SLC35F4: variants seen among roughly 807,000 people sequenced by gnomAD.
The protein encoded by SLC35F4 is chromosome 14 open reading frame 36.
In SLC35F4, 24 loss-of-function variants were observed where a neutral mutation model predicts 44.2. The observed-to-expected ratio is 0.54, with a 90% CI of 0.39 to 0.76. The LOEUF (loss-of-function observed/expected upper bound fraction) is 0.76, where lower values mean the gene tolerates loss of function less well. SLC35F4 is among the 30% of genes least tolerant of loss of function. The pLI, the probability that SLC35F4 is intolerant of heterozygous loss-of-function variation, is 0.00. For missense variants in SLC35F4, 562 were observed against 586.1 expected, an observed-to-expected ratio of 0.96 and a Z score of 0.42; for synonymous variants, 238 against 223.6, an observed-to-expected ratio of 1.06 and a Z score of -0.57.
At chr14:57,950,608 A>G (rs551644427) in intron 1 of SLC35F4, among the ~76,000 whole-genome samples, 1 of 151,148 alleles carries the variant, frequency 6.6e-6, no homozygotes, top group African/African-American at 2.4e-5. Context: ...CTGTTTTGTC[A>G]TATTACCAAA....
chr14:57,711,846 T>C (rs760911500), intron 1 of SLC35F4, among the ~76,000 whole-genome samples: 1 of 152,234 alleles, frequency 6.6e-6, no homozygotes, highest in Non-Finnish European at 1.5e-5. Context: ...TTTAGAACTA[T>C]TGGAAAACAC....
intron 1 of SLC35F4, among the ~76,000 whole-genome samples, chr14:57,919,922 A>T (rs1240452957): frequency 6.6e-6 from 1 of 152,148 alleles, no homozygotes; most frequent in South Asian, 2.1e-4. Flanking sequence ...TCTTTTAGAC[A>T]TGGTCATTCT....
chr14:57,642,297 GA>G (rs2073284684), intron 1 of SLC35F4, among the ~76,000 whole-genome samples: 2 of 150,264 alleles, frequency 1.3e-5, no homozygotes, highest in South Asian at 4.2e-4. Context: ...GAGAGCTAGT[GA>G]GAAAAAAAAA....
At chr14:57,814,201 T>C (rs1882310281) in intron 1 of SLC35F4, among the ~76,000 whole-genome samples, 1 of 152,240 alleles carries the variant, frequency 6.6e-6, no homozygotes, top group South Asian at 2.1e-4. Context: ...AGAGCCCTTT[T>C]CACATAGTAG....
At chr14:57,716,251 T>G (rs1052820458) in intron 1 of SLC35F4, among the ~76,000 whole-genome samples, 3 of 151,890 alleles carry the variant, frequency 2.0e-5, no homozygotes, top group Non-Finnish European at 4.4e-5. Flanking sequence ...CAAATTCCTA[T>G]CTTAACAAGT....
In SLC35F4 at chr14:57,617,664, A is replaced by G. The variant is rs184554743; in HGVS notation, c.104-23540T>C. On this transcript the variant is annotated intron_variant, in intron 1 of 7. Coordinates refer to ENST00000556826, the MANE Select transcript of SLC35F4 (RefSeq NM_001306087.2). ...TACAGACCAGAAAGCTGGCAATTGCAATAGTATGGATAAGCAGTGTGCTAG... is the reference window on the plus strand; with the variant it reads ...TACAGACCAGAAAGCTGGCAATTGCGATAGTATGGATAAGCAGTGTGCTAG... Among the ~76,000 whole-genome samples, 137 of 152,272 alleles carry G rather than the reference A, an allele frequency of 9.0e-4. 3 individuals are homozygous for G. The highest frequency in any genetic ancestry group is 4.4e-4 in the Non-Finnish European group (30 of 68,026).
At chr14:57,877,824 A>G (rs760255519) in intron 1 of SLC35F4, among the ~76,000 whole-genome samples, 34 of 151,718 alleles carry the variant, frequency 2.2e-4, no homozygotes, top group African/African-American at 8.0e-4. Flanking sequence ...AGATGGGATT[A>G]CAGGCTTATG....
intron 1 of SLC35F4, among the ~76,000 whole-genome samples, chr14:57,805,558 G>C (rs1158442374): frequency 6.6e-6 from 1 of 152,194 alleles, no homozygotes; most frequent in Non-Finnish European, 1.5e-5. Context: ...TTGTAAGTGG[G>C]AGCTGAATGA....
At chr14:57,938,806 T>C (rs878087) in intron 1 of SLC35F4, among the ~76,000 whole-genome samples, 15,492 of 152,190 alleles carry the variant, frequency 0.1, 866 homozygotes, top group Middle Eastern at 0.18. Flanking sequence ...TCCAAGGCAT[T>C]CGACTGATTG....
At chr14:57,681,160 G>C (rs190671731) in intron 1 of SLC35F4, among the ~76,000 whole-genome samples, 3 of 152,124 alleles carry the variant, frequency 2.0e-5, no homozygotes, top group Admixed American at 2.0e-4. Flanking sequence ...CATGGTCCTG[G>C]TACCAAAACA....
intron 1 of SLC35F4, among the ~76,000 whole-genome samples, chr14:57,647,873 G>A (rs2073610056): frequency 6.6e-6 from 1 of 152,070 alleles, no homozygotes; most frequent in African/African-American, 2.4e-5. Context: ...CAAGAATCCT[G>A]TTAGTTCGGT....
At chr14:57,958,107 G>A (rs1381978360) in intron 1 of SLC35F4, among the ~76,000 whole-genome samples, 1 of 151,550 alleles carries the variant, frequency 6.6e-6, no homozygotes, top group East Asian at 1.9e-4. Flanking sequence ...CCAGGCTGCA[G>A]TGCAGTGGCG....
intron 1 of SLC35F4, among the ~76,000 whole-genome samples, chr14:57,951,086 T>A (rs1282091782): frequency 6.6e-6 from 1 of 152,166 alleles, no homozygotes; most frequent in Admixed American, 6.5e-5. Context: ...GATTTCTGCA[T>A]TTCCAACTGA....
chr14:57,605,607 A>T (rs1217333920), intron 1 of SLC35F4, among the ~76,000 whole-genome samples: 1 of 152,228 alleles, frequency 6.6e-6, no homozygotes, highest in Admixed American at 6.5e-5. Context: ...ACTACTGAGT[A>T]TATGCCCAAA....
intron 1 of SLC35F4, among the ~76,000 whole-genome samples, chr14:57,786,865 C>T (rs2077775386): frequency 6.6e-6 from 1 of 152,062 alleles, no homozygotes. Context: ...TCTTCAGCAC[C>T]CCTCAACAAT....
At chr14:57,867,748 T>C (rs1033731759), upstream of SLC35F4, among the ~76,000 whole-genome samples, 6 of 152,172 alleles carry the variant, frequency 3.9e-5, no homozygotes, top group Admixed American at 6.5e-5. Context: ...GAAGTTTCTA[T>C]GAAAGATAAA....
intron 1 of SLC35F4, among the ~76,000 whole-genome samples, chr14:57,803,845 C>A (rs1880971140): frequency 6.6e-6 from 1 of 151,996 alleles, no homozygotes. Flanking sequence ...CCACTTCAGC[C>A]TCCCAAAGTG....
chr14:57,575,107 C>T (rs377381107), intron 4 of SLC35F4, among the ~76,000 whole-genome samples: 1 of 152,102 alleles, frequency 6.6e-6, no homozygotes, highest in African/African-American at 2.4e-5. Flanking sequence ...GTGCCACCTG[C>T]TCGGCTTCTG....
intron 1 of SLC35F4, among the ~76,000 whole-genome samples, chr14:57,757,870 A>T (rs910212687): frequency 6.6e-6 from 1 of 152,110 alleles, no homozygotes; most frequent in Admixed American, 6.5e-5. Context: ...TCCACCTAGC[A>T]TAATTTTTCT....
Sources: allele counts gnomAD v4.1 joint callset (sites outside exome capture counted in the v4.1 genomes callset), GRCh38; gene constraint gnomAD v4.1.1; transcripts MANE v1.5; gene names NCBI Gene and HGNC (gene_info 2026-07-23, HGNC 2026-07-21).